APBB2: variants seen among roughly 807,000 people sequenced by gnomAD.
The protein encoded by APBB2 is Fe65-like 1.
APBB2 carries 38 observed loss-of-function variants against 82.5 expected under a neutral mutation model. The observed-to-expected ratio is 0.46, with a 90% CI of 0.36 to 0.60. The LOEUF (loss-of-function observed/expected upper bound fraction) is 0.60, where lower values mean the gene tolerates loss of function less well. Among genes scored for constraint, APBB2 ranks in the 20% least tolerant of loss-of-function variants. The pLI is 0.00. For missense variants in APBB2, 772 were observed against 972.3 expected, an observed-to-expected ratio of 0.79 and a Z score of 2.74; for synonymous variants, 341 against 368.2, an observed-to-expected ratio of 0.93 and a Z score of 0.85.
chr4:40,953,868 C>T (rs1395308315), intron 6 of APBB2, among the ~76,000 whole-genome samples: 1 of 152,176 alleles, frequency 6.6e-6, no homozygotes, highest in Non-Finnish European at 1.5e-5. Context: ...GTAATTTGTG[C>T]TTTTTGTTCT....
chr4:41,034,761 CATGCAT>C (rs77732020), intron 4 of APBB2, among the ~76,000 whole-genome samples: 6,954 of 152,314 alleles, frequency 0.046, 331 homozygotes, highest in African/African-American at 0.12. Context: ...CTCACATGCA[CATGCAT>C]TTACATGGAA....
intron 2 of APBB2, among the ~76,000 whole-genome samples, chr4:41,110,221 G>A (rs1196564607): frequency 5.3e-5 from 8 of 152,236 alleles, no homozygotes; most frequent in African/African-American, 1.9e-4. Context: ...ACATGTGCCT[G>A]GCACGCAGGA....
intron 5 of APBB2, among the ~76,000 whole-genome samples, chr4:41,027,896 T>A (rs550444777): frequency 6.6e-6 from 1 of 152,376 alleles, no homozygotes; most frequent in East Asian, 1.9e-4. Context: ...CTATTCATCA[T>A]GCTATGTTGA....
intron 12 of APBB2, among the ~76,000 whole-genome samples, chr4:40,883,934 G>A (rs2154347687): frequency 6.6e-6 from 1 of 152,296 alleles, no homozygotes; most frequent in East Asian, 1.9e-4. Flanking sequence ...CGAGGCTCAG[G>A]AACATGGTGT....
At chr4:41,079,960 G>A (rs1268058742) in intron 3 of APBB2, among the ~76,000 whole-genome samples, 1 of 152,158 alleles carries the variant, frequency 6.6e-6, no homozygotes, top group Non-Finnish European at 1.5e-5. Flanking sequence ...CTTGTGAATC[G>A]GGAGCTGCCA....
At chr4:41,110,870 C>A (rs1051331589) in intron 2 of APBB2, among the ~76,000 whole-genome samples, 4 of 152,078 alleles carry the variant, frequency 2.6e-5, no homozygotes, top group Non-Finnish European at 4.4e-5. Context: ...TAGGATAATT[C>A]AAATGCATGA....
intron 1 of APBB2, among the ~76,000 whole-genome samples, chr4:41,145,250 A>G (rs1760391787): frequency 6.6e-6 from 1 of 152,138 alleles, no homozygotes; most frequent in African/African-American, 2.4e-5. Flanking sequence ...ACAAGACACA[A>G]TGGTGGAATC....
At chr4:40,996,887 T>C (rs1803778777) in intron 6 of APBB2, among the ~76,000 whole-genome samples, 1 of 152,204 alleles carries the variant, frequency 6.6e-6, no homozygotes, top group African/African-American at 2.4e-5. Context: ...TTATGGTTTC[T>C]TTGAATAAAC....
intron 10 of APBB2, among the ~76,000 whole-genome samples, chr4:40,913,998 C>T (rs948622317): frequency 3.9e-5 from 6 of 151,910 alleles, no homozygotes; most frequent in South Asian, 4.2e-4. Flanking sequence ...CACCTTGGGA[C>T]GCTGAGATGG....
intron 1 of APBB2, among the ~76,000 whole-genome samples, chr4:41,187,184 G>A (rs1394266482): frequency 6.6e-6 from 1 of 152,166 alleles, no homozygotes; most frequent in Admixed American, 6.5e-5. Flanking sequence ...ATCTCAGGTA[G>A]CAAAAGGCAG....
chr4:40,904,317 G>A (rs1311124398), intron 10 of APBB2, among the ~76,000 whole-genome samples: 2 of 152,134 alleles, frequency 1.3e-5, no homozygotes, highest in Non-Finnish European at 2.9e-5. Context: ...TGTAGTGCAA[G>A]CTACTTGGGA....
At chr4:40,955,597 A>G (rs939626586) in intron 6 of APBB2, among the ~76,000 whole-genome samples, 19 of 152,070 alleles carry the variant, frequency 1.2e-4, no homozygotes, top group African/African-American at 4.6e-4. Context: ...CTTCAATCCA[A>G]ACTATTTGAA....
chr4:41,131,618 A>AATTT (rs1320255819), intron 2 of APBB2, among the ~76,000 whole-genome samples: 1 of 152,212 alleles, frequency 6.6e-6, no homozygotes, highest in Non-Finnish European at 1.5e-5. Context: ...AGAAGTTATA[A>AATTT]AGAGAAGGAG....
intron 5 of APBB2, 138 bp downstream of exon 5, chr4:41,033,098 A>G: frequency 1.4e-6 from 1 of 702,970 alleles, no homozygotes; most frequent in South Asian, 1.7e-5. Context: ...TCATTTTTCT[A>G]TTACATTAGT....
intron 2 of APBB2, among the ~76,000 whole-genome samples, chr4:41,107,689 G>A (rs193263413): frequency 2.0e-5 from 3 of 152,246 alleles, no homozygotes; most frequent in African/African-American, 7.2e-5. Flanking sequence ...GGAACAGTAG[G>A]TATCGCCACA....
intron 3 of APBB2, among the ~76,000 whole-genome samples, chr4:41,085,359 T>C (rs1199118866): frequency 6.6e-6 from 1 of 151,808 alleles, no homozygotes; most frequent in Non-Finnish European, 1.5e-5. Flanking sequence ...GTATAGGGTA[T>C]AGAGAGATAA....
chr4:40,886,307 T>C (rs957729162), intron 12 of APBB2, among the ~76,000 whole-genome samples: 22 of 152,204 alleles, frequency 1.4e-4, no homozygotes, highest in Non-Finnish European at 2.9e-4. Flanking sequence ...GGTGAAACCC[T>C]GTCTCTACTA....
At chr4:41,198,791 C>G (rs1775977045) in intron 1 of APBB2, among the ~76,000 whole-genome samples, 5 of 152,138 alleles carry the variant, frequency 3.3e-5, no homozygotes, top group Admixed American at 3.3e-4. Context: ...GGAGAGGACC[C>G]TTCCTTGTTT....
At chr4:40,957,570 C>T (rs1791979635) in intron 6 of APBB2, among the ~76,000 whole-genome samples, 1 of 143,444 alleles carries the variant, frequency 7.0e-6, no homozygotes, top group Non-Finnish European at 1.5e-5. Context: ...ACTGCTTCTG[C>T]TCCACCTCAT....
Sources: gnomAD v4.1 joint callset for allele counts (sites outside exome capture counted in the v4.1 genomes callset) on GRCh38, gnomAD v4.1.1 for gene constraint, MANE v1.5 for transcripts, NCBI Gene and HGNC (gene_info 2026-07-23, HGNC 2026-07-21) for gene names.